The following VWA8 variants were observed in gnomAD, a reference collection of about 807,000 sequenced individuals.
VWA8 encodes the protein von Willebrand factor A domain-containing protein 8.
Under a neutral mutation model 241.5 loss-of-function variants are expected in VWA8, and 221 were observed. That is an observed-to-expected ratio of 0.91 (90% CI 0.82 to 1.02). The LOEUF (loss-of-function observed/expected upper bound fraction) is 1.02, where lower values mean the gene tolerates loss of function less well. Ranked by LOEUF, VWA8 falls within the 50% of genes least tolerant of loss-of-function variation. The pLI is 0.00. For synonymous variants in VWA8, 852 were observed against 827.1 expected (o/e 1.03, Z -0.52); for missense variants, 2,322 against 2,328.7 (o/e 1.00, Z 0.06).
At chr13:41,572,927 GTGGAAC>G in intron 43 of VWA8, among the ~76,000 whole-genome samples, 1 of 150,422 alleles carries the variant, frequency 6.6e-6, no homozygotes, top group African/African-American at 2.5e-5. Context: ...GGCCGGCATG[GTGGAAC>G]CCTGTCTCTA....
intron 21 of VWA8, among the ~76,000 whole-genome samples, chr13:41,755,191 T>C (rs1455127710): frequency 1.3e-5 from 2 of 152,038 alleles, no homozygotes; most frequent in Non-Finnish European, 1.5e-5. Context: ...CTCCAAACTG[T>C]TCTCCATAGT....
At chr13:41,878,957 T>C (rs1328735788) in intron 9 of VWA8, among the ~76,000 whole-genome samples, 1 of 152,136 alleles carries the variant, frequency 6.6e-6, no homozygotes, top group East Asian at 1.9e-4. Flanking sequence ...CTTCTCTCAG[T>C]TTTTTTCACA....
intron 4 of VWA8, among the ~76,000 whole-genome samples, chr13:41,893,603 T>G (rs1695211215): frequency 6.6e-6 from 1 of 152,136 alleles, no homozygotes; most frequent in African/African-American, 2.4e-5. Flanking sequence ...GTCAAAATAT[T>G]GGCCGGGCTC....
In VWA8 at chr13:41,865,705, G is replaced by T. The variant is rs776520572; in HGVS notation, c.1425+31C>A. The T allele has an allele frequency of 1.9e-5, 31 of 1,610,200 alleles. 1 individual carries two copies. ...GATGGCCTAAGCATATATGCTTATA[G>T]TCCAAGTGCAGCTAAAAATGAACAC... On this transcript the variant is annotated intron_variant, in intron 12 of 44. Coordinates refer to ENST00000379310, the MANE Select transcript of VWA8 (RefSeq NM_015058.2).
At chr13:41,900,897 G>T in intron 4 of VWA8, among the ~76,000 whole-genome samples, 1 of 151,912 alleles carries the variant, frequency 6.6e-6, no homozygotes, top group Non-Finnish European at 1.5e-5. Flanking sequence ...ATTGATTTTT[G>T]GTTGCTCTAC....
At chr13:41,926,147 G>T in intron 2 of VWA8, 1 of 596,336 alleles carries the variant, frequency 1.7e-6, no homozygotes. Flanking sequence ...TTGGAGTTCA[G>T]GGGAACCCTG....
At chr13:41,938,259 C>G (rs1035457607) in intron 2 of VWA8, among the ~76,000 whole-genome samples, 2 of 151,910 alleles carry the variant, frequency 1.3e-5, no homozygotes, top group African/African-American at 4.8e-5. Flanking sequence ...AGTAGGCACA[C>G]TGGATAAAGA....
intron 20 of VWA8, among the ~76,000 whole-genome samples, chr13:41,769,322 T>A (rs1448976010): frequency 6.6e-6 from 1 of 152,166 alleles, no homozygotes; most frequent in Non-Finnish European, 1.5e-5. Flanking sequence ...TAGAGCTAAA[T>A]GGTGAAATAT....
At chr13:41,573,486 A>ATAAATAAATATATATAT (rs1555303592) in intron 43 of VWA8, among the ~76,000 whole-genome samples, 4 of 113,614 alleles carry the variant, frequency 3.5e-5, no homozygotes, top group African/African-American at 1.4e-4. Context: ...AAAAAAAAAA[A>ATAAATAAATATATATAT]ATATATATAT....
chr13:41,778,614 T>C (rs183936289), intron 19 of VWA8, among the ~76,000 whole-genome samples: 14 of 152,064 alleles, frequency 9.2e-5, no homozygotes, highest in South Asian at 4.2e-4. Flanking sequence ...CTTTTGTATC[T>C]TGAAAAATAA....
intron 9 of VWA8, among the ~76,000 whole-genome samples, chr13:41,873,450 GA>G (rs1873739382): frequency 1.3e-5 from 2 of 151,662 alleles, no homozygotes; most frequent in Admixed American, 1.3e-4. Flanking sequence ...GACTAATAAA[GA>G]AAAAAAGAGA....
chr13:41,781,977 A>G (rs1313715244), intron 19 of VWA8, among the ~76,000 whole-genome samples: 1 of 152,250 alleles, frequency 6.6e-6, no homozygotes, highest in Non-Finnish European at 1.5e-5. Context: ...AATCTGCAAG[A>G]GGCACTGACT....
chr13:41,817,341 A>T (rs1240533190), intron 15 of VWA8, among the ~76,000 whole-genome samples: 1 of 152,166 alleles, frequency 6.6e-6, no homozygotes, highest in Non-Finnish European at 1.5e-5. Flanking sequence ...CAATTGCCCA[A>T]ATAACACATA....
At chr13:41,674,948 A>T (rs1188287410) in intron 36 of VWA8, among the ~76,000 whole-genome samples, 1 of 152,230 alleles carries the variant, frequency 6.6e-6, no homozygotes, top group Non-Finnish European at 1.5e-5. Flanking sequence ...AGAAAAACTT[A>T]TTAGAACAGA....
intron 26 of VWA8, among the ~76,000 whole-genome samples, chr13:41,713,553 A>C (rs2045331368): frequency 6.6e-6 from 1 of 152,204 alleles, no homozygotes; most frequent in African/African-American, 2.4e-5. Context: ...AAATCTGAGG[A>C]GTAACTACAA....
At chr13:41,936,771 G>T (rs1175914889) in intron 2 of VWA8, among the ~76,000 whole-genome samples, 1 of 152,122 alleles carries the variant, frequency 6.6e-6, no homozygotes, top group Admixed American at 6.6e-5. Flanking sequence ...CCACAAAAAA[G>T]ATAACTATGT....
intron 40 of VWA8, among the ~76,000 whole-genome samples, chr13:41,600,320 A>G (rs568357532): frequency 3.7e-4 from 56 of 152,254 alleles, no homozygotes; most frequent in Admixed American, 9.8e-4. Flanking sequence ...AGTCAGGACT[A>G]TATTTCTAGG....
At chr13:41,571,590 T>G (rs2044304819) in intron 43 of VWA8, among the ~76,000 whole-genome samples, 1 of 152,204 alleles carries the variant, frequency 6.6e-6, no homozygotes, top group Non-Finnish European at 1.5e-5. Context: ...CTGCGAGTGA[T>G]CTACCTGCCT....
intron 43 of VWA8, among the ~76,000 whole-genome samples, chr13:41,572,672 C>G (rs888256366): frequency 6.6e-6 from 1 of 151,856 alleles, no homozygotes; most frequent in African/African-American, 2.4e-5. Flanking sequence ...GCCGCAGGGT[C>G]CTCTGTCTAG....
Sources: gnomAD v4.1 joint callset for allele counts (sites outside exome capture counted in the v4.1 genomes callset) on GRCh38, gnomAD v4.1.1 for gene constraint, MANE v1.5 for transcripts, NCBI Gene and HGNC (gene_info 2026-07-23, HGNC 2026-07-21) for gene names.